Variants in C12orf56 observed in about 807,000 individuals in gnomAD.
C12orf56 encodes uncharacterized protein C12orf56.
In C12orf56, 71 loss-of-function variants were observed where a neutral mutation model predicts 69.9. The observed-to-expected ratio is 1.02, with a 90% CI of 0.84 to 1.24. The LOEUF is 1.24. Among genes scored for constraint, C12orf56 ranks in the 50% most tolerant of loss-of-function variants. C12orf56 has a pLI of 0.00. For missense variants in C12orf56, 732 were observed against 738.5 expected (o/e 0.99, Z 0.10); for synonymous variants, 276 against 274.1 (o/e 1.01, Z -0.07).
At chr12:64,328,289 T>C (rs2038869627) in intron 3 of C12orf56, among the ~76,000 whole-genome samples, 1 of 152,142 alleles carries the variant, frequency 6.6e-6, no homozygotes. Context: ...CCAATTCATA[T>C]TAATTTTCCC....
Position 64,313,274 on chromosome 12 carries a change from A to AAG in C12orf56, c.895-523_895-522insCT, listed in dbSNP as rs1555188666. ...GAGACTCTGTCTCAAAAAAAAAAAAAAAAGAAAGAAAGAAAGAAAGAAAGA... is the reference window on the plus strand; with the variant it reads ...GAGACTCTGTCTCAAAAAAAAAAAAAAGAAAGAAAGAAAGAAAGAAAGAAAGA... On this transcript the variant is annotated intron_variant, in intron 4 of 12. Coordinates refer to ENST00000543942, the MANE Select transcript of C12orf56 (RefSeq NM_001170633.2). Among the ~76,000 whole-genome samples, 16 of 81,406 alleles carry AAG rather than the reference A, an allele frequency of 2.0e-4. 1 individual carries two copies. The highest frequency in any genetic ancestry group is 5.3e-4 in the South Asian group (1 of 1,896). 53.4% of individuals were successfully genotyped at this position (81,406 alleles called of 152,430 possible).
Position 64,267,256 on chromosome 12 carries a change from C to T in C12orf56, c.1796G>A (p.Arg599Lys). 2 of 1,611,964 alleles carry T rather than the reference C, an allele frequency of 1.2e-6. No individual in the cohort carries two copies. The highest frequency in any genetic ancestry group is 1.7e-6 in the Non-Finnish European group (2 of 1,179,230). ...YFIHMPALQK[R>K]LPLCYPITQP... The stretch of plus-strand genomic sequence containing the variant: ...AGTGATGGGGTAACACAATGGGAGC[C>T]TTTTCTGCAAGGCTGGCATGTGAAT... The change falls in exon 13 of 13, where the codon AGG (arginine) becomes AAG (lysine). Residue 599 changes from arginine (R) to lysine (K), a missense_variant. Transcript: ENST00000543942.
intron 6 of C12orf56, among the ~76,000 whole-genome samples, chr12:64,301,646 T>C (rs566965422): frequency 6.6e-6 from 1 of 152,278 alleles, no homozygotes; most frequent in East Asian, 1.9e-4. Flanking sequence ...GCTTAGAAGG[T>C]ATATAAGCTC....
intron 6 of C12orf56, among the ~76,000 whole-genome samples, chr12:64,301,202 A>C: frequency 6.6e-6 from 1 of 152,136 alleles, no homozygotes; most frequent in Non-Finnish European, 1.5e-5. Context: ...GTACTGACTG[A>C]GTGGTTATGT....
intron 6 of C12orf56, among the ~76,000 whole-genome samples, chr12:64,295,746 A>G (rs1274646476): frequency 6.6e-6 from 1 of 151,604 alleles, no homozygotes; most frequent in African/African-American, 2.4e-5. Flanking sequence ...ACCACTTAAA[A>G]GAAAAAAGTA....
chr12:64,327,683 T>C (rs150427531), intron 3 of C12orf56, among the ~76,000 whole-genome samples: 1 of 152,346 alleles, frequency 6.6e-6, no homozygotes, highest in East Asian at 1.9e-4. Flanking sequence ...AGGCTGTTGG[T>C]TCCTTCTCCA....
At chr12:64,319,531 G>T (rs1268157365) in intron 3 of C12orf56, among the ~76,000 whole-genome samples, 1 of 152,140 alleles carries the variant, frequency 6.6e-6, no homozygotes, top group Non-Finnish European at 1.5e-5. Context: ...GAGTAGCTGG[G>T]ACTACAGGCA....
rs59799966 is a variant in C12orf56 at position 64,355,077 on chromosome 12, CAAAAAAAAAAAAA to C, written c.253-2034_253-2022del. Among the ~76,000 whole-genome samples, 24 of 87,620 alleles carry C rather than the reference CAAAAAAAAAAAAA, an allele frequency of 2.7e-4. No homozygotes were observed. In the South Asian group the frequency reaches 8.6e-3, roughly 31 times the overall value. 57.5% of individuals were successfully genotyped at this position (87,620 alleles called of 152,430 possible). On this transcript the variant is annotated intron_variant, in intron 1 of 12. Transcript: ENST00000543942. The stretch of plus-strand genomic sequence containing the variant: ...TGGGGAACAAAGTGAGACTCCGTCT[CAAAAAAAAAAAAA>C]AAAAAAAAAAAAGAGGTGCAGGTCA...
At chr12:64,294,276 G>C (rs2038334572) in intron 6 of C12orf56, among the ~76,000 whole-genome samples, 1 of 152,244 alleles carries the variant, frequency 6.6e-6, no homozygotes, top group South Asian at 2.1e-4. Flanking sequence ...CCAGTATGGT[G>C]GTTCCTCAAA....
intron 2 of C12orf56, among the ~76,000 whole-genome samples, chr12:64,335,275 G>A (rs2038980443): frequency 6.6e-6 from 1 of 152,010 alleles, no homozygotes; most frequent in Admixed American, 6.6e-5. Context: ...AATTGGCCAG[G>A]TATGGTGGCA....
chr12:64,318,923 G>T lies in C12orf56; in HGVS notation c.546C>A (p.Gly182=). 1 of 1,536,626 alleles carries T rather than the reference G, an allele frequency of 6.5e-7. No homozygotes were observed. Among genetic ancestry groups the T allele is most frequent in the South Asian group, 1.2e-5 (1 of 83,934 alleles). The change falls in exon 4 of 13, where the codon GGC becomes GGA. Residue 182 remains glycine (G), a synonymous_variant. Transcript: ENST00000543942. ...SKDSTLCPRP[G]LKKLSLHGQG... is the part of the protein sequence containing the mutation. ...GGCCATGAAGGGACAGCTTTTTGAG[G>T]CCTGGACGAGGACAGAGAGTTGAGT...
chr12:64,269,315 G>A (rs529378499), intron 12 of C12orf56, among the ~76,000 whole-genome samples: 22 of 152,198 alleles, frequency 1.4e-4, no homozygotes, highest in African/African-American at 5.3e-4. Flanking sequence ...TCCTTAATGG[G>A]TGCTATGCAG....
At chr12:64,335,959 C>T (rs750143940) in intron 2 of C12orf56, among the ~76,000 whole-genome samples, 1 of 151,854 alleles carries the variant, frequency 6.6e-6, no homozygotes, top group Non-Finnish European at 1.5e-5. Context: ...TGTGCTGCTG[C>T]TCTACACATG....
chr12:64,330,057 G>A (rs997141662), intron 3 of C12orf56, among the ~76,000 whole-genome samples: 1 of 152,084 alleles, frequency 6.6e-6, no homozygotes, highest in African/African-American at 2.4e-5. Context: ...TGGGATGGCT[G>A]GGTCAAATGG....
At chr12:64,372,420 T>A (rs1049253339) in intron 1 of C12orf56, among the ~76,000 whole-genome samples, 3 of 152,238 alleles carry the variant, frequency 2.0e-5, no homozygotes, top group Non-Finnish European at 4.4e-5. Flanking sequence ...TATTGCGAAC[T>A]ATGTCTGACT....
intron 4 of C12orf56, among the ~76,000 whole-genome samples, chr12:64,313,721 G>A (rs1221966619): frequency 6.6e-6 from 1 of 151,526 alleles, no homozygotes; most frequent in African/African-American, 2.4e-5. Context: ...AATATATGGT[G>A]GATGGTTTTT....
At chr12:64,306,075 CA>C (rs1283014415) in intron 5 of C12orf56, among the ~76,000 whole-genome samples, 1 of 151,484 alleles carries the variant, frequency 6.6e-6, no homozygotes, top group Non-Finnish European at 1.5e-5. Context: ...TTTTAATGGC[CA>C]AAAAAATTTT....
intron 9 of C12orf56, among the ~76,000 whole-genome samples, chr12:64,276,004 C>G (rs117543434): frequency 0.013 from 1,890 of 151,050 alleles, 21 homozygotes; most frequent in Admixed American, 0.022. Flanking sequence ...AATACACACC[C>G]CCCCCCGCGA....
chr12:64,336,899 C>T (rs1394542148), intron 2 of C12orf56, among the ~76,000 whole-genome samples: 3 of 152,154 alleles, frequency 2.0e-5, no homozygotes, highest in Non-Finnish European at 4.4e-5. Flanking sequence ...TCAGCCACCC[C>T]AGCTGTGTAC....
Sources: allele counts gnomAD v4.1 joint callset (sites outside exome capture counted in the v4.1 genomes callset), GRCh38; gene constraint gnomAD v4.1.1; transcripts MANE v1.5; gene names NCBI Gene and HGNC (gene_info 2026-07-23, HGNC 2026-07-21).